CHD9: variants seen among roughly 807,000 people sequenced by gnomAD.
The protein encoded by CHD9 is ATP-dependent chromatin remodeler CHD9.
A neutral mutation model predicts 316.1 loss-of-function variants in CHD9; 77 were observed. The ratio of observed to expected loss-of-function variants is 0.24; its 90% CI spans 0.20 to 0.29. The LOEUF is 0.29. Among genes scored for constraint, CHD9 ranks in the 10% least tolerant of loss-of-function variants. CHD9 has a pLI of 1.00. For synonymous variants in CHD9, 1,129 were observed against 1,158.3 expected, an observed-to-expected ratio of 0.97 and a Z score of 0.51; for missense variants, 2,763 against 3,438.1, an observed-to-expected ratio of 0.80 and a Z score of 4.91.
chr16:53,092,763 T>C (rs1210821718), intron 1 of CHD9, among the ~76,000 whole-genome samples: 4 of 151,826 alleles, frequency 2.6e-5, no homozygotes, highest in African/African-American at 7.3e-5. Flanking sequence ...CACCTGCACC[T>C]TTATTATTAT....
At chr16:53,154,664 C>G (rs970202045) in intron 1 of CHD9, among the ~76,000 whole-genome samples, 2 of 152,142 alleles carry the variant, frequency 1.3e-5, no homozygotes, top group Non-Finnish European at 2.9e-5. Context: ...ATGCAGTTCA[C>G]GATAGGGTTC....
Position 53,324,706 on chromosome 16 carries a change from C to T in CHD9, c.8505C>T (p.Gly2835=). The T allele has an allele frequency of 6.2e-7, 1 of 1,613,180 alleles. No individual in the cohort carries two copies. Among genetic ancestry groups the T allele is most frequent in the South Asian group, 1.1e-5 (1 of 90,930 alleles). ...TACAAAACAAAAACAGTGACTTAGG[C>T]TCGTCTAAGTCTGTAGAAGTAAAAG... is the stretch of plus-strand genomic sequence containing the variant. ...FDVQNKNSDL[G]SSKSVEVKEE... The change falls in exon 39 of 39, where the codon GGC becomes GGT. Residue 2835 remains glycine, a synonymous_variant. Coordinates refer to ENST00000447540, the MANE Select transcript of CHD9 (RefSeq NM_001308319.2).
At chr16:53,220,465 C>T (rs563366328) in intron 3 of CHD9, among the ~76,000 whole-genome samples, 17 of 152,302 alleles carry the variant, frequency 1.1e-4, no homozygotes, top group Admixed American at 1.1e-3. Flanking sequence ...ATTCCCACAG[C>T]CCTAGATTAC....
chr16:53,251,303 T>C (rs746513071), intron 17 of CHD9, among the ~76,000 whole-genome samples: 46 of 152,366 alleles, frequency 3.0e-4, no homozygotes, highest in Non-Finnish European at 5.9e-4. Flanking sequence ...TTTGTACTTA[T>C]AAGTGCCCAT....
chr16:53,069,633 A>T (rs772358950), intron 1 of CHD9, among the ~76,000 whole-genome samples: 26 of 152,228 alleles, frequency 1.7e-4, no homozygotes, highest in African/African-American at 4.8e-4. Context: ...TTATCCATTC[A>T]TCTGTTGGTG....
chr16:53,103,292 C>T (rs2037056685), intron 1 of CHD9, among the ~76,000 whole-genome samples: 1 of 151,958 alleles, frequency 6.6e-6, no homozygotes, highest in African/African-American at 2.4e-5. Context: ...CTCAGCCTCC[C>T]AAAGTGCTGG....
intron 37 of CHD9, among the ~76,000 whole-genome samples, chr16:53,320,732 T>C (rs2057219169): frequency 6.6e-6 from 1 of 152,184 alleles, no homozygotes; most frequent in Admixed American, 6.5e-5. Flanking sequence ...AAATATTATT[T>C]TGTCTGTGTC....
intron 2 of CHD9, among the ~76,000 whole-genome samples, chr16:53,181,726 A>G (rs2043536595): frequency 6.6e-6 from 1 of 152,180 alleles, no homozygotes; most frequent in African/African-American, 2.4e-5. Context: ...TGTTTAATTT[A>G]TTTAGTTGAT....
At chr16:53,108,262 G>A (rs1041108801) in intron 1 of CHD9, among the ~76,000 whole-genome samples, 3 of 152,182 alleles carry the variant, frequency 2.0e-5, no homozygotes, top group Non-Finnish European at 2.9e-5. Context: ...AGCACTTTGG[G>A]AGGTTGAAGT....
chr16:53,273,240 A>G (rs1461783826), intron 22 of CHD9, among the ~76,000 whole-genome samples: 2 of 152,258 alleles, frequency 1.3e-5, no homozygotes, highest in Non-Finnish European at 2.9e-5. Context: ...AGGATGGCTA[A>G]CCTAATCTAT....
intron 27 of CHD9, among the ~76,000 whole-genome samples, chr16:53,289,432 T>C (rs1351634090): frequency 1.3e-5 from 2 of 152,088 alleles, no homozygotes; most frequent in African/African-American, 4.8e-5. Context: ...AATACATTTA[T>C]TGATATGTAA....
At chr16:53,113,446 G>A (rs2038025785) in intron 1 of CHD9, among the ~76,000 whole-genome samples, 1 of 145,492 alleles carries the variant, frequency 6.9e-6, no homozygotes, top group Non-Finnish European at 1.5e-5. Flanking sequence ...CCGAGTAGCT[G>A]GGACCACAGG....
At chr16:53,285,846 G>T (rs2053824365) in intron 25 of CHD9, 147 bp downstream of exon 25, 2 of 528,790 alleles carry the variant, frequency 3.8e-6, no homozygotes, top group African/African-American at 3.8e-5. Flanking sequence ...ACCAAACTAT[G>T]TCTGTCAGTC....
chr16:53,073,522 TG>T (rs1567308429), intron 1 of CHD9, among the ~76,000 whole-genome samples: 2 of 152,224 alleles, frequency 1.3e-5, no homozygotes, highest in African/African-American at 4.8e-5. Flanking sequence ...CTAGATCATA[TG>T]GTAATATGGT....
intron 25 of CHD9, 51 bp from the exon 26 acceptor site, chr16:53,286,175 C>T: frequency 9.6e-7 from 1 of 1,037,372 alleles, no homozygotes; most frequent in Non-Finnish European, 1.5e-6. Context: ...TATATGTATA[C>T]ACCTTTCTTC....
chr16:53,277,342 C>T (rs891425019), intron 24 of CHD9, among the ~76,000 whole-genome samples: 3 of 152,066 alleles, frequency 2.0e-5, no homozygotes, highest in Non-Finnish European at 2.9e-5. Flanking sequence ...AATGAACATA[C>T]ATGCAAAAAT....
chr16:53,318,477 C>T (rs1010292424), intron 37 of CHD9, 137 bp downstream of exon 37: 52 of 655,690 alleles, frequency 7.9e-5, no homozygotes, highest in Non-Finnish European at 1.2e-4. Flanking sequence ...TGAGGGAAGA[C>T]ATGCAGTATA....
In CHD9 at chr16:53,235,229, G is replaced by T; in HGVS notation, c.2556G>T (p.Arg852Ser). ...TTTGGAAGAAAATAGATCAATCCAG[G>T]GACTATAAAAATGGCAATCAACTCA... Reference protein sequence around the residue: ...SNIWKKIDQSRDYKNGNQLRE... With the variant: ...SNIWKKIDQSSDYKNGNQLRE... The change falls in exon 11 of 39, where the codon AGG becomes AGT. Residue 852 changes from arginine (R) to serine (S), a missense_variant. By Grantham distance (110) the Arg-to-Ser change is moderately radical. This residue lies in a region of CHD9 where 186 missense variants were observed against 245.0 expected (regional missense o/e 0.76). Coordinates refer to ENST00000447540, the MANE Select transcript of CHD9 (RefSeq NM_001308319.2). The T allele has an allele frequency of 6.4e-7, 1 of 1,551,416 alleles. No individual in the cohort carries two copies. Among genetic ancestry groups the T allele is most frequent in the Non-Finnish European group, 8.7e-7 (1 of 1,145,258 alleles).
chr16:53,273,768 A>G lies in CHD9; in HGVS notation c.4860A>G (p.Ile1620Met). The G allele has an allele frequency of 6.2e-7, 1 of 1,612,664 alleles. No homozygotes were observed. Among genetic ancestry groups the G allele is most frequent in the Non-Finnish European group, 8.5e-7 (1 of 1,179,222 alleles). ...AAGATGAAGGCTACAAAAAACATAT[A>G]AAACACCACTGTAATAAGTAGGTAT... ...LLQDEGYKKH[I>M]KHHCNKVLLR... The change falls in exon 23 of 39, where the codon ATA (isoleucine) becomes ATG (methionine). Residue 1620 changes from isoleucine (I) to methionine (M), a missense_variant. Physicochemically the swap from Ile to Met is conservative, Grantham distance 10 (BLOSUM62 1). This residue lies in a region of CHD9 where 7 missense variants were observed against 26.4 expected (regional missense o/e 0.27). Transcript: ENST00000447540.
Sources: gnomAD v4.1 joint callset for allele counts (sites outside exome capture counted in the v4.1 genomes callset) on GRCh38, gnomAD v4.1.1 for gene constraint, gnomAD v4.1.1 regional missense constraint, MANE v1.5 for transcripts, NCBI Gene and HGNC (gene_info 2026-07-23, HGNC 2026-07-21) for gene names.